The following ZNF467 variants were observed in gnomAD, a reference collection of about 807,000 sequenced individuals.
The protein encoded by ZNF467 is zinc finger protein EZI.
In ZNF467, 51 loss-of-function variants were observed where a neutral mutation model predicts 47.8. That is an observed-to-expected ratio of 1.07 (90% CI 0.85 to 1.35). ZNF467 has a LOEUF of 1.35. Ranked by LOEUF, ZNF467 falls within the 40% of genes most tolerant of loss-of-function variation. ZNF467 has a pLI of 0.00. For synonymous variants in ZNF467, 416 were observed against 372.9 expected (o/e 1.12, Z -1.33); for missense variants, 992 against 858.1 (o/e 1.16, Z -1.95).
rs751014477 is a variant in ZNF467 at position 149,765,200 on chromosome 7, C to T, written c.1302G>A (p.Pro434=). 29 of 1,505,538 alleles carry T rather than the reference C, an allele frequency of 1.9e-5. No individual in the cohort carries two copies. The highest frequency in any genetic ancestry group is 2.3e-5 in the Non-Finnish European group (26 of 1,131,496). 93.3% of individuals were successfully genotyped at this position (1,505,538 alleles called of 1,614,324 possible). The change falls in exon 5 of 5, where the codon CCG becomes CCA. Residue 434 remains proline (P), a synonymous_variant. Transcript: ENST00000302017. ...CATGGGAGAAGCCGCGCCCGCAGTC[C>T]GGGCAGAAGAAGGACCGCTCGCCCG... is the stretch of plus-strand genomic sequence containing the variant. ...APSGERSFFC[P]DCGRGFSHGQ... is the part of the protein sequence containing the mutation.
At chr7:149,768,422 G>A (rs1454649899) in intron 4 of ZNF467, among the ~76,000 whole-genome samples, 1 of 152,200 alleles carries the variant, frequency 6.6e-6, no homozygotes, top group Admixed American at 6.5e-5. Flanking sequence ...CTATCCAAGG[G>A]CACTCAGCTA....
chr7:149,768,001 A>G (rs1267026095), intron 4 of ZNF467, among the ~76,000 whole-genome samples: 1 of 152,218 alleles, frequency 6.6e-6, no homozygotes, highest in African/African-American at 2.4e-5. Flanking sequence ...TTCTCAGCCT[A>G]GAACGTCTTC....
chr7:149,764,786 G>A lies in ZNF467; in HGVS notation c.1716C>T (p.Ala572=), dbSNP rs554157424. 6.9e-4 allele frequency: 1,049 copies of A among 1,523,958 alleles called. 4 individuals are homozygous for A. The highest frequency in any genetic ancestry group is 5.0e-3 in the South Asian group (385 of 76,916). 94.4% of individuals were successfully genotyped at this position (1,523,958 alleles called of 1,614,324 possible). A position where few individuals can be genotyped will look rare whatever the true frequency, so the allele number is the denominator to read the frequency against. ...CTGGGGCCGCAAGGGCGGCGTCCGG[G>A]GCCGCGTGGGCGGCTTCGCCGTGAA... ...QLIHGEAAHA[A]PDAALAAPAW... Residue 572 remains alanine (A), a synonymous_variant, in exon 5 of 5, where the codon GCC becomes GCT. Coordinates refer to ENST00000302017, the MANE Select transcript of ZNF467 (RefSeq NM_207336.3).
rs566833887 is a variant in ZNF467 at position 149,770,624 on chromosome 7, C to T, written c.35-68G>A. 152 of 1,371,494 alleles carry T rather than the reference C, an allele frequency of 1.1e-4. No individual in the cohort carries two copies. The African/African-American group carries it at 1.9e-3, about 17-fold the overall frequency. 85.0% of individuals were successfully genotyped at this position (1,371,494 alleles called of 1,614,324 possible). A position where few individuals can be genotyped will look rare whatever the true frequency, so the allele number is the denominator to read the frequency against. ...CAGAACAAGTAATCAGAGGCGGGGG[C>T]TGTTCCCCTTCCCAGCCTGCCCAAG... is the stretch of plus-strand genomic sequence containing the variant. On this transcript the variant is annotated intron_variant, in intron 2 of 4. Transcript: ENST00000302017.
Position 149,765,178 on chromosome 7 carries a change from G to T in ZNF467, c.1324C>A (p.His442Asn). The change falls in exon 5 of 5, where the codon CAT becomes AAT. Residue 442 changes from histidine to asparagine, a missense_variant. Transcript: ENST00000302017. ...GGGTGCCGCGCCAGGTGCTGCCCATGGGAGAAGCCGCGCCCGCAGTCCGGG... is the reference window on the plus strand; with the variant it reads ...GGGTGCCGCGCCAGGTGCTGCCCATTGGAGAAGCCGCGCCCGCAGTCCGGG... ...FCPDCGRGFS[H>N]GQHLARHPRV... 1 of 1,505,302 alleles carries T rather than the reference G, an allele frequency of 6.6e-7. No homozygotes were observed. Among genetic ancestry groups the T allele is most frequent in the Non-Finnish European group, 8.8e-7 (1 of 1,131,324 alleles). The allele number at this position is 1,505,302 out of a possible 1,614,324, so 93.2% of individuals were successfully genotyped here.
Position 149,765,741 on chromosome 7 carries a change from C to G in ZNF467, c.761G>C (p.Ser254Thr). Residue 254 changes from serine (S) to threonine (T), a missense_variant, in exon 5 of 5, where the codon AGC becomes ACC. Physicochemically the swap from Ser to Thr is moderately conservative, Grantham distance 58. Coordinates refer to ENST00000302017, the MANE Select transcript of ZNF467 (RefSeq NM_207336.3). ...YPCAECGKRF[S>T]QKIHLGSHQK... ...GTGCGAGCCCAGGTGGATCTTCTGG[C>G]TGAAGCGCTTGCCGCACTCCGCGCA... is the stretch of plus-strand genomic sequence containing the variant. 5 of 1,613,014 alleles carry G rather than the reference C, an allele frequency of 3.1e-6. No individual in the cohort carries two copies. The highest frequency in any genetic ancestry group is 4.2e-6 in the Non-Finnish European group (5 of 1,179,654).
Position 149,770,660 on chromosome 7 carries a change from C to T in ZNF467, c.35-104G>A, listed in dbSNP as rs531383592. 7.7e-4 allele frequency: 746 copies of T among 969,118 alleles called. 1 individual carries two copies. The highest frequency in any genetic ancestry group is 1.0e-3 in the Non-Finnish European group (667 of 636,046). 60.0% of individuals were successfully genotyped at this position (969,118 alleles called of 1,614,324 possible). On this transcript the variant is annotated intron_variant, in intron 2 of 4. Coordinates refer to ENST00000302017, the MANE Select transcript of ZNF467 (RefSeq NM_207336.3). ...CCCAGCCTGCCCAAGAGACTTTTCC[C>T]AACCTGCTCAGGAAGGACAGGGTCT...
rs1258835089 is a variant in ZNF467 at position 149,765,590 on chromosome 7, C to T, written c.912G>A (p.Gln304=). ...GCTTGTGCGTGAAGCTGCGTGCGCA[C>T]TGTGCGCACTGGTAGGGCCTCTCGC... is the stretch of plus-strand genomic sequence containing the variant. ...HTGERPYQCA[Q]CARSFTHKQH... The change falls in exon 5 of 5, where the codon CAG becomes CAA. Residue 304 remains glutamine, a synonymous_variant. Coordinates refer to ENST00000302017, the MANE Select transcript of ZNF467 (RefSeq NM_207336.3). The T allele has an allele frequency of 1.3e-6, 2 of 1,598,954 alleles. No individual in the cohort carries two copies. The highest frequency in any genetic ancestry group is 1.7e-6 in the Non-Finnish European group (2 of 1,172,956).
chr7:149,770,577 G>C (rs776472226), intron 2 of ZNF467, 21 bp from the exon 3 acceptor site: 1 of 1,592,974 alleles, frequency 6.3e-7, no homozygotes, highest in South Asian at 1.1e-5. Flanking sequence ...CAGAAGGATG[G>C]GTCCAAGTAA....
rs765683412 is a variant in ZNF467 at position 149,765,161 on chromosome 7, C to T, written c.1341G>A (p.Ala447=). 49 of 1,495,094 alleles carry T rather than the reference C, an allele frequency of 3.3e-5. No individual in the cohort carries two copies. The highest frequency in any genetic ancestry group is 4.3e-5 in the Non-Finnish European group (48 of 1,126,744). The allele number at this position is 1,495,094 out of a possible 1,614,324, so 92.6% of individuals were successfully genotyped here. Residue 447 remains alanine, a synonymous_variant, in exon 5 of 5, where the codon GCG becomes GCA. Coordinates refer to ENST00000302017, the MANE Select transcript of ZNF467 (RefSeq NM_207336.3). The stretch of plus-strand genomic sequence containing the variant: ...CGCCCGTGTGCACGCGCGGGTGCCG[C>T]GCCAGGTGCTGCCCATGGGAGAAGC... ...GRGFSHGQHL[A]RHPRVHTGER...
chr7:149,772,668 C>T (rs1050129638), intron 1 of ZNF467, among the ~76,000 whole-genome samples: 2 of 150,208 alleles, frequency 1.3e-5, no homozygotes, highest in Admixed American at 1.3e-4. Flanking sequence ...CGACTTCATT[C>T]CAGGTCCCGG....
At position 149,765,422 on chromosome 7, in the gene ZNF467, G is replaced by T. The variant is rs567998273; in HGVS notation, c.1080C>A (p.Cys360Ter). The change falls in exon 5 of 5, where the codon TGC becomes TGA. Residue 360 changes from cysteine (C) to a stop codon, truncating the protein, a stop_gained. Coordinates refer to ENST00000302017, the MANE Select transcript of ZNF467 (RefSeq NM_207336.3). LOFTEE classifies it high-confidence loss of function. The part of the protein sequence containing the change: ...PGPKPFACSD[C>*]GLSFGWKKNL... ...TCTTTTTCCAGCCGAAGCTCAAGCC[G>T]CAGTCGGAGCACGCGAAAGGCTTTG... 16 of 1,576,766 alleles carry T rather than the reference G, an allele frequency of 1.0e-5. No individual in the cohort carries two copies. In the East Asian group the frequency reaches 3.0e-4, roughly 29 times the overall value.
At position 149,764,890 on chromosome 7, in the gene ZNF467, T is replaced by C. The variant is rs1468437627; in HGVS notation, c.1612A>G (p.Thr538Ala). The C allele has an allele frequency of 1.7e-5, 26 of 1,565,770 alleles. No individual in the cohort carries two copies. Among genetic ancestry groups the C allele is most frequent in the Non-Finnish European group, 2.1e-5 (24 of 1,158,288 alleles). The change falls in exon 5 of 5, where the codon ACA becomes GCA. Residue 538 changes from threonine (T) to alanine (A), a missense_variant. Transcript: ENST00000302017. ...TNLVRHQAIH[T>A]GSRPFSCPQC... is the part of the protein sequence containing the mutation. ...GGGCAGGAGAAGGGGCGGGAGCCTG[T>C]GTGGATCGCCTGGTGGCGGACTAGG...
rs1799173812 is a variant in ZNF467 at position 149,765,655 on chromosome 7, T to C, written c.847A>G (p.Lys283Glu). ...PCTECEKRFR[K>E]KTHLIRHQRI... ...TGGTGCCGAATCAAGTGCGTCTTCT[T>C]GCGAAAGCGCTTCTCGCATTCCGTG... is the stretch of plus-strand genomic sequence containing the variant. The change falls in exon 5 of 5, where the codon AAG becomes GAG. Residue 283 changes from lysine (K) to glutamate (E), a missense_variant. Coordinates refer to ENST00000302017, the MANE Select transcript of ZNF467 (RefSeq NM_207336.3). 6.2e-7 allele frequency: 1 copy of C among 1,611,628 alleles called. No homozygotes were observed. The highest frequency in any genetic ancestry group is 8.5e-7 in the Non-Finnish European group (1 of 1,179,194).
chr7:149,772,429 C>A (rs1400021936), intron 1 of ZNF467, among the ~76,000 whole-genome samples: 3 of 127,894 alleles, frequency 2.3e-5, no homozygotes, highest in African/African-American at 9.4e-5. Flanking sequence ...CTCCGGCCCC[C>A]AAGCCTGGGG....
rs1257425262 is a variant in ZNF467, at chr7:149,765,859, GC to G, written c.642del (p.Pro215LeufsTer17). ...TTGTCGCACTCGGAGCACGGGAAAG[GC>G]CGCTCGCCGCGGTGGCTGCGCTGAT... ...LLHQRSHRGE[R>X]PFPCSECDKR... On this transcript the variant is annotated frameshift_variant, in exon 5 of 5. Coordinates refer to ENST00000302017, the MANE Select transcript of ZNF467 (RefSeq NM_207336.3). LOFTEE classifies it high-confidence loss of function. The G allele has an allele frequency of 1.9e-6, 3 of 1,603,182 alleles. No individual in the cohort carries two copies. In the South Asian group the frequency reaches 3.3e-5, roughly 18 times the overall value.
Position 149,764,741 on chromosome 7 carries a change from C to T in ZNF467, c.1761G>A (p.Glu587=), listed in dbSNP as rs1480732447. 1.2e-5 allele frequency: 19 copies of T among 1,550,632 alleles called. No individual in the cohort carries two copies. In the South Asian group the frequency reaches 1.8e-4, roughly 15 times the overall value. The change falls in exon 5 of 5, where the codon GAG becomes GAA. Residue 587 remains glutamate (E), a synonymous_variant. Transcript: ENST00000302017. ...LAAPAWSAPP[E]VAPPPLFF is the part of the protein sequence containing the mutation. The stretch of plus-strand genomic sequence containing the variant: ...AGAAGAAGAGCGGGGGCGGCGCCAC[C>T]TCGGGGGGAGCGGACCAGGCTGGGG...
chr7:149,764,919 G>T lies in ZNF467; in HGVS notation c.1583C>A (p.Thr528Asn). 2 of 1,571,802 alleles carry T rather than the reference G, an allele frequency of 1.3e-6. No individual in the cohort carries two copies. The highest frequency in any genetic ancestry group is 1.7e-6 in the Non-Finnish European group (2 of 1,163,392). ...GATCGCCTGGTGGCGGACTAGGTTG[G>T]TTTTGGAGCTGAAGCTGCGGGCGCA... ...AVCARSFSSKTNLVRHQAIHT... is the reference protein window; with the variant it reads ...AVCARSFSSKNNLVRHQAIHT... The change falls in exon 5 of 5, where the codon ACC (threonine) becomes AAC (asparagine). Residue 528 changes from threonine to asparagine, a missense_variant. By Grantham distance (65) the Thr-to-Asn change is moderately conservative. Coordinates refer to ENST00000302017, the MANE Select transcript of ZNF467 (RefSeq NM_207336.3).
intron 1 of ZNF467, among the ~76,000 whole-genome samples, chr7:149,772,761 C>T (rs975633216): frequency 1.2e-3 from 174 of 141,206 alleles, no homozygotes; most frequent in Non-Finnish European, 2.1e-3. Flanking sequence ...GCGCCCGCTT[C>T]TTCCTCCCCT....
Sources: allele counts gnomAD v4.1 joint callset (sites outside exome capture counted in the v4.1 genomes callset), GRCh38; gene constraint gnomAD v4.1.1; transcripts MANE v1.5; gene names NCBI Gene and HGNC (gene_info 2026-07-23, HGNC 2026-07-21).